CHKA: variants seen among roughly 807,000 people sequenced by gnomAD.
CHKA encodes CHETK-alpha.
Under a neutral mutation model 60.1 loss-of-function variants are expected in CHKA, and 34 were observed. That is an observed-to-expected ratio of 0.57 (90% confidence interval 0.43 to 0.75). CHKA has a LOEUF of 0.75. Among genes scored for constraint, CHKA ranks in the 30% least tolerant of loss-of-function variants. The pLI, the probability that CHKA is intolerant of heterozygous loss-of-function variation, is 0.00. For synonymous variants in CHKA, 217 were observed against 223.1 expected (o/e 0.97, Z 0.24); for missense variants, 563 against 561.3 (o/e 1.00, Z -0.03).
chr11:68,057,094 A>G (rs1224721854), intron 11 of CHKA, among the ~76,000 whole-genome samples: 1 of 152,150 alleles, frequency 6.6e-6, no homozygotes, highest in Non-Finnish European at 1.5e-5. Context: ...GAGGGCACCC[A>G]TCTGGTGTCC....
In CHKA at chr11:68,084,404, A is replaced by ACG. The variant is rs1565183335; in HGVS notation, c.463-2948_463-2947insCG. ...TGTATATATATACACACATATACGTATATATGTGTATATATATATACACAT... is the reference window on the plus strand; with the variant it reads ...TGTATATATATACACACATATACGTACGTATATGTGTATATATATATACACAT... On this transcript the variant is annotated intron_variant, in intron 2 of 11. Transcript: ENST00000265689. Among the ~76,000 whole-genome samples, 53 of 90,220 alleles carry ACG rather than the reference A, an allele frequency of 5.9e-4. 1 individual carries two copies. Among genetic ancestry groups the ACG allele is most frequent in the Admixed American group, 1.7e-3 (13 of 7,552 alleles). The allele number at this position is 90,220 out of a possible 152,430, so 59.2% of individuals were successfully genotyped here.
rs550437796 is a variant in CHKA at position 68,094,312 on chromosome 11, C to G, written c.462+2707G>C. On this transcript the variant is annotated intron_variant, in intron 2 of 11. Coordinates refer to ENST00000265689, the MANE Select transcript of CHKA (RefSeq NM_001277.3). ...ATCCTAGCATTTTGAGAGGACTAGA[C>G]GGGTGCATCACTTAAGGCCAGGAGT... Among the ~76,000 whole-genome samples the G allele has an allele frequency of 7.2e-5, 11 of 152,200 alleles. No homozygotes were observed. In the East Asian group the frequency reaches 2.1e-3, roughly 29 times the overall value.
At chr11:68,120,131 G>A (rs756605276) in intron 1 of CHKA, among the ~76,000 whole-genome samples, 2 of 151,730 alleles carry the variant, frequency 1.3e-5, no homozygotes, top group African/African-American at 2.4e-5. Context: ...GGGAGGCTGA[G>A]GCAAGGAGAA....
In CHKA at chr11:68,072,039, T is replaced by C. The variant is rs185800608; in HGVS notation, c.631-1182A>G. Among the ~76,000 whole-genome samples the C allele has an allele frequency of 3.0e-3, 453 of 152,326 alleles. 1 individual carries two copies. In the Middle Eastern group the frequency reaches 0.058, roughly 19 times the overall value. ...CACAGGACTTATTAAGGTAGCTCAC[T>C]CAGCTTTCAAAACTGCCATTAATTT... On this transcript the variant is annotated intron_variant, in intron 4 of 11. Coordinates refer to ENST00000265689, the MANE Select transcript of CHKA (RefSeq NM_001277.3).
intron 11 of CHKA, among the ~76,000 whole-genome samples, chr11:68,059,059 G>A (rs1211411895): frequency 2.6e-5 from 4 of 152,130 alleles, no homozygotes; most frequent in Non-Finnish European, 5.9e-5. Flanking sequence ...ACCACCCCTG[G>A]CTAATTCTGT....
intron 1 of CHKA, among the ~76,000 whole-genome samples, chr11:68,115,347 C>A (rs1719719816): frequency 1.3e-5 from 2 of 152,082 alleles, no homozygotes. Context: ...GGCCAAAAAC[C>A]ACAGAATGTA....
intron 1 of CHKA, among the ~76,000 whole-genome samples, chr11:68,111,244 T>C (rs998196132): frequency 2.0e-5 from 3 of 151,748 alleles, no homozygotes; most frequent in African/African-American, 7.3e-5. Flanking sequence ...AAACCCTGTC[T>C]CTACTAAAAA....
intron 2 of CHKA, chr11:68,089,674 C>T (rs1857290607): frequency 6.6e-6 from 1 of 152,132 alleles, no homozygotes; most frequent in Non-Finnish European, 1.5e-5. Flanking sequence ...ATCACTGTAC[C>T]TCTTTAAGCA....
intron 2 of CHKA, among the ~76,000 whole-genome samples, chr11:68,089,063 A>C (rs1042684392): frequency 6.6e-6 from 1 of 152,230 alleles, no homozygotes; most frequent in Admixed American, 6.5e-5. Context: ...TTTGGACATT[A>C]ATAATTTCAA....
intron 1 of CHKA, among the ~76,000 whole-genome samples, chr11:68,114,494 G>A (rs1243680944): frequency 1.3e-5 from 2 of 151,982 alleles, no homozygotes; most frequent in Admixed American, 6.6e-5. Context: ...TCAGGAGTTC[G>A]AGACCAGCCT....
At chr11:68,061,929 AAC>A (rs1491553764) in intron 11 of CHKA, 22 bp downstream of exon 11, 1 of 1,519,280 alleles carries the variant, frequency 6.6e-7, no homozygotes. Flanking sequence ...GAAAAAAAAA[AAC>A]AAAAACGCTG....
intron 1 of CHKA, among the ~76,000 whole-genome samples, chr11:68,113,117 G>T (rs1175330460): frequency 1.2e-5 from 1 of 82,684 alleles, no homozygotes; most frequent in Non-Finnish European, 2.6e-5. Flanking sequence ...AAAAGAAGCT[G>T]TGGCAGGAAA....
intron 7 of CHKA, among the ~76,000 whole-genome samples, chr11:68,067,138 G>A (rs1856470131): frequency 6.6e-6 from 1 of 152,184 alleles, no homozygotes; most frequent in South Asian, 2.1e-4. Context: ...GCGTTCCTGA[G>A]ATCCCCACAC....
intron 2 of CHKA, among the ~76,000 whole-genome samples, chr11:68,085,392 T>A (rs1004388278): frequency 2.6e-5 from 4 of 151,944 alleles, no homozygotes; most frequent in African/African-American, 9.7e-5. Context: ...CTAGCCTTTT[T>A]TTTTTTCTTG....
intron 10 of CHKA, among the ~76,000 whole-genome samples, chr11:68,063,085 G>C (rs1244033303): frequency 6.6e-6 from 1 of 152,162 alleles, no homozygotes; most frequent in Non-Finnish European, 1.5e-5. Flanking sequence ...TTTGAAAACT[G>C]TTGAGAAAAC....
chr11:68,054,126 C>T lies in CHKA; in HGVS notation c.1315-79G>A. 4 of 1,260,748 alleles carry T rather than the reference C, an allele frequency of 3.2e-6. No homozygotes were observed. The South Asian group carries it at 5.0e-5, about 16-fold the overall frequency. 78.1% of individuals were successfully genotyped at this position (1,260,748 alleles called of 1,614,324 possible). On this transcript the variant is annotated intron_variant, in intron 11 of 11. Coordinates refer to ENST00000265689, the MANE Select transcript of CHKA (RefSeq NM_001277.3). ...TGCCCATGTGTCCCCCAATCCCCAC[C>T]CCAGGCAAGAGCTGAGGGCACGGAC...
chr11:68,105,440 G>A (rs1030081657), intron 1 of CHKA, among the ~76,000 whole-genome samples: 5 of 142,948 alleles, frequency 3.5e-5, no homozygotes, highest in African/African-American at 5.2e-5. Context: ...GCTTAAACAC[G>A]GGAGGAGGAG....
intron 3 of CHKA, among the ~76,000 whole-genome samples, chr11:68,075,570 A>G (rs1410846471): frequency 3.3e-5 from 5 of 152,142 alleles, no homozygotes; most frequent in African/African-American, 7.2e-5. Context: ...TAAACAGCAC[A>G]TTACAGCATA....
chr11:68,059,213 C>G (rs967094189), intron 11 of CHKA, among the ~76,000 whole-genome samples: 2 of 152,178 alleles, frequency 1.3e-5, no homozygotes, highest in South Asian at 2.1e-4. Flanking sequence ...GTTTTTCATA[C>G]ATGCCTTTAT....
Sources: allele counts gnomAD v4.1 joint callset (sites outside exome capture counted in the v4.1 genomes callset), GRCh38; gene constraint gnomAD v4.1.1; transcripts MANE v1.5; gene names NCBI Gene and HGNC (gene_info 2026-07-23, HGNC 2026-07-21).